GNA13: variants seen among roughly 807,000 people sequenced by gnomAD.
The protein encoded by GNA13 is guanine nucleotide-binding protein subunit alpha-13.
Under a neutral mutation model 33.5 loss-of-function variants are expected in GNA13, and 4 were observed. That is an observed-to-expected ratio of 0.12 (90% CI 0.06 to 0.27). The LOEUF (loss-of-function observed/expected upper bound fraction) is 0.27, where lower values mean the gene tolerates loss of function less well. Ranked by LOEUF, GNA13 falls within the 10% of genes least tolerant of loss-of-function variation. The pLI, the probability that GNA13 is intolerant of heterozygous loss-of-function variation, is 1.00. For synonymous variants in GNA13, 176 were observed against 183.8 expected, an observed-to-expected ratio of 0.96 and a Z score of 0.34; for missense variants, 319 against 487.2, an observed-to-expected ratio of 0.65 and a Z score of 3.25.
At position 65,013,368 on chromosome 17, in the gene GNA13, G is replaced by C. The variant is rs1170170929; in HGVS notation, c.*889C>G. 4.8e-6 allele frequency: 1 copy of C among 209,940 alleles called. No homozygotes were observed. Among genetic ancestry groups the C allele is most frequent in the Non-Finnish European group, 9.7e-6 (1 of 103,256 alleles). The allele number at this position is 209,940 out of a possible 1,614,324, so 13.0% of individuals were successfully genotyped here. A position where few individuals can be genotyped will look rare whatever the true frequency, so the allele number is the denominator to read the frequency against. On this transcript the variant is annotated 3_prime_UTR_variant, in exon 4 of 4. Transcript: ENST00000439174. ...TGGTCTTTACTGACCAACTGAGATAGGGCTTAAAAGTCAAATACATGACAT... is the reference window on the plus strand; with the variant it reads ...TGGTCTTTACTGACCAACTGAGATACGGCTTAAAAGTCAAATACATGACAT...
intron 2 of GNA13, among the ~76,000 whole-genome samples, chr17:65,032,168 A>G (rs1907072259): frequency 6.6e-6 from 1 of 152,146 alleles, no homozygotes; most frequent in Non-Finnish European, 1.5e-5. Flanking sequence ...AAACATAAAT[A>G]GATACAAAAT....
intron 2 of GNA13, among the ~76,000 whole-genome samples, chr17:65,051,274 G>A (rs1598502005): frequency 6.6e-6 from 1 of 152,340 alleles, no homozygotes; most frequent in African/African-American, 2.4e-5. Context: ...TGTGTGGTTT[G>A]TTGAGAAAAT....
At chr17:65,036,056 C>G (rs1567823429) in intron 2 of GNA13, among the ~76,000 whole-genome samples, 1 of 152,132 alleles carries the variant, frequency 6.6e-6, no homozygotes, top group Admixed American at 6.6e-5. Flanking sequence ...TAATTCTACG[C>G]CTATGATCAC....
rs766670035 is a variant in GNA13, at chr17:65,053,476, A to T, written c.510+26T>A. 3.7e-6 allele frequency: 5 copies of T among 1,359,076 alleles called. No homozygotes were observed. The South Asian group carries it at 4.7e-5, about 13-fold the overall frequency. 84.2% of individuals were successfully genotyped at this position (1,359,076 alleles called of 1,614,324 possible). A position where few individuals can be genotyped will look rare whatever the true frequency, so the allele number is the denominator to read the frequency against. On this transcript the variant is annotated intron_variant, in intron 2 of 3. Transcript: ENST00000439174. The stretch of plus-strand genomic sequence containing the variant: ...CTAAACATCATTAAAATAAAACCAC[A>T]CGTTTTAAAAGAGCAAATCTCTTAC...
chr17:65,016,041 C>G (rs1906357522), intron 3 of GNA13, among the ~76,000 whole-genome samples: 1 of 152,154 alleles, frequency 6.6e-6, no homozygotes. Flanking sequence ...CTCTAAGACC[C>G]TGAACAAACA....
At chr17:65,027,118 G>A (rs1906816596) in intron 2 of GNA13, among the ~76,000 whole-genome samples, 1 of 152,048 alleles carries the variant, frequency 6.6e-6, no homozygotes, top group Non-Finnish European at 1.5e-5. Flanking sequence ...ACTTTCTGAA[G>A]CAGAAGGAAA....
At chr17:65,036,510 A>G (rs1427300026) in intron 2 of GNA13, among the ~76,000 whole-genome samples, 2 of 152,230 alleles carry the variant, frequency 1.3e-5, no homozygotes, top group Non-Finnish European at 2.9e-5. Flanking sequence ...GTTTGAGATC[A>G]GCCTGGCCAA....
chr17:65,038,198 T>C (rs1020462233), intron 2 of GNA13, among the ~76,000 whole-genome samples: 2 of 151,958 alleles, frequency 1.3e-5, no homozygotes, highest in African/African-American at 4.8e-5. Context: ...AGGTCAGGAG[T>C]TCGAGACCAG....
At chr17:65,032,992 T>C (rs1907103712) in intron 2 of GNA13, among the ~76,000 whole-genome samples, 1 of 151,770 alleles carries the variant, frequency 6.6e-6, no homozygotes, top group South Asian at 2.1e-4. Flanking sequence ...GCACCTGTAA[T>C]CCCAGCTACT....
intron 2 of GNA13, among the ~76,000 whole-genome samples, chr17:65,037,778 G>GAAAAACAAAAAAAAA (rs1907305524): frequency 1.0e-5 from 1 of 99,140 alleles, no homozygotes; most frequent in African/African-American, 3.9e-5. Context: ...TACAAAAATG[G>GAAAAACAAAAAAAAA]AAAAAAAAAA....
Position 65,010,184 on chromosome 17 carries a change from G to A in GNA13, c.*4073C>T, listed in dbSNP as rs552258582. Among the ~76,000 whole-genome samples, 19 of 152,238 alleles carry A rather than the reference G, an allele frequency of 1.2e-4. No homozygotes were observed. Among genetic ancestry groups the A allele is most frequent in the East Asian group, 3.9e-4 (2 of 5,188 alleles). On this transcript the variant is annotated 3_prime_UTR_variant, in exon 4 of 4. Transcript: ENST00000439174. ...AACATAACTTAAATGCTAACTACACGTTCAAGTACAGACATAAGAATGCTA... is the reference window on the plus strand; with the variant it reads ...AACATAACTTAAATGCTAACTACACATTCAAGTACAGACATAAGAATGCTA...
chr17:65,046,539 C>A (rs1266927164), intron 2 of GNA13, among the ~76,000 whole-genome samples: 2 of 152,152 alleles, frequency 1.3e-5, no homozygotes, highest in East Asian at 3.8e-4. Context: ...CATTCCTCAG[C>A]CTGAATTAAT....
intron 2 of GNA13, among the ~76,000 whole-genome samples, chr17:65,046,714 G>A (rs1379353737): frequency 6.6e-6 from 1 of 152,092 alleles, no homozygotes; most frequent in East Asian, 1.9e-4. Context: ...TTTTTCCTGG[G>A]TTAGGTCCAC....
intron 2 of GNA13, among the ~76,000 whole-genome samples, chr17:65,039,980 TAG>T (rs1464981978): frequency 6.6e-6 from 1 of 152,194 alleles, no homozygotes; most frequent in East Asian, 1.9e-4. Context: ...TTGCATTCGC[TAG>T]TTACTTTTCA....
At chr17:65,023,244 A>ATG (rs1906650416) in intron 2 of GNA13, among the ~76,000 whole-genome samples, 1 of 152,256 alleles carries the variant, frequency 6.6e-6, no homozygotes, top group South Asian at 2.1e-4. Context: ...ACTCATGAGC[A>ATG]TGTACCTTGT....
chr17:65,018,119 AAAAAAAAAAAAAAAAAAAAAG>A (rs1906442583), intron 3 of GNA13, 113 bp downstream of exon 3: 6 of 195,498 alleles, frequency 3.1e-5, no homozygotes, highest in African/African-American at 1.9e-4. Flanking sequence ...AAAAAAAAAA[AAAAAAAAAAAAAAAAAAAAAG>A]AGAGAAAGAA....
chr17:65,038,868 T>C (rs981232053), intron 2 of GNA13, among the ~76,000 whole-genome samples: 1 of 152,232 alleles, frequency 6.6e-6, no homozygotes, highest in Non-Finnish European at 1.5e-5. Flanking sequence ...AAGTGTTGAA[T>C]ATCTCACAAC....
At chr17:65,053,771 T>C (rs1907941113) in intron 1 of GNA13, 43 bp from the exon 2 acceptor site, 4 of 1,165,914 alleles carry the variant, frequency 3.4e-6, no homozygotes, top group Non-Finnish European at 5.1e-6. Flanking sequence ...AGAGGAGTCA[T>C]TACATATTAT....
At chr17:65,028,663 T>C (rs1906892186) in intron 2 of GNA13, among the ~76,000 whole-genome samples, 1 of 152,160 alleles carries the variant, frequency 6.6e-6, no homozygotes, top group Non-Finnish European at 1.5e-5. Flanking sequence ...TGTCTTGGCC[T>C]CAACACTAGG....
Sources: gnomAD v4.1 joint callset for allele counts (sites outside exome capture counted in the v4.1 genomes callset) on GRCh38, gnomAD v4.1.1 for gene constraint, MANE v1.5 for transcripts, NCBI Gene and HGNC (gene_info 2026-07-23, HGNC 2026-07-21) for gene names.